Variants in STOX2 observed in about 807,000 individuals in gnomAD.
STOX2 encodes the protein storkhead-box protein 2.
STOX2 carries 28 observed loss-of-function variants against 60.9 expected under a neutral mutation model. The observed-to-expected ratio is 0.46, with a 90% CI of 0.34 to 0.63. The LOEUF (loss-of-function observed/expected upper bound fraction) is 0.63, where lower values mean the gene tolerates loss of function less well. Ranked by LOEUF, STOX2 falls within the 30% of genes least tolerant of loss-of-function variation. The probability of loss-of-function intolerance (pLI) is 0.01; values close to 1 mark genes in which losing one functional copy is unlikely to be tolerated. For synonymous variants in STOX2, 472 were observed against 463.9 expected, an observed-to-expected ratio of 1.02 and a Z score of -0.22; for missense variants, 1,024 against 1,187.7, an observed-to-expected ratio of 0.86 and a Z score of 2.03.
chr4:183,894,703 C>A (rs1270815710), intron 1 of STOX2, among the ~76,000 whole-genome samples: 1 of 152,172 alleles, frequency 6.6e-6, no homozygotes, highest in Non-Finnish European at 1.5e-5. Flanking sequence ...ATCCTTTAAA[C>A]TCCATCTGTG....
chr4:183,946,953 T>C (rs1304850363), intron 1 of STOX2, among the ~76,000 whole-genome samples: 2 of 152,114 alleles, frequency 1.3e-5, no homozygotes, highest in African/African-American at 4.8e-5. Context: ...GTATTTACGT[T>C]GTATTATGTC....
chr4:183,799,926 G>A (rs1266642936), intron 1 of STOX2, among the ~76,000 whole-genome samples: 1 of 152,140 alleles, frequency 6.6e-6, no homozygotes, highest in East Asian at 1.9e-4. Context: ...GCCAGCCTCT[G>A]TAGTACTGAG....
At chr4:183,970,170 GTGTGTGTGTGT>G (rs1743699518) in intron 1 of STOX2, among the ~76,000 whole-genome samples, 1 of 150,636 alleles carries the variant, frequency 6.6e-6, no homozygotes, top group Admixed American at 6.6e-5. Context: ...GTGTGTGTGT[GTGTGTGTGTGT>G]GGGGTTCCAG....
At chr4:183,887,951 A>T (rs541521635) in intron 1 of STOX2, among the ~76,000 whole-genome samples, 8 of 152,226 alleles carry the variant, frequency 5.3e-5, no homozygotes, top group Middle Eastern at 3.4e-3. Flanking sequence ...CAGGGTATCA[A>T]CTTTATTGCC....
In STOX2 at chr4:183,946,037, G is replaced by A. The variant is rs79168521; in HGVS notation, c.166+39081G>A. 4.1e-3 allele frequency among the ~76,000 whole-genome samples: 618 copies of A among 152,250 alleles called. 1 individual carries two copies. The highest frequency in any genetic ancestry group is 0.014 in the African/African-American group (580 of 41,548). ...TATTTTCTATGTCAATGGGCACACA[G>A]GGTAAATGATTTTGGAAAGAAAGCA... On this transcript the variant is annotated intron_variant, in intron 1 of 3. Coordinates refer to ENST00000308497, the MANE Select transcript of STOX2 (RefSeq NM_020225.3).
intron 1 of STOX2, among the ~76,000 whole-genome samples, chr4:183,956,470 CT>C (rs1368155162): frequency 3.3e-5 from 5 of 151,594 alleles, no homozygotes; most frequent in Non-Finnish European, 4.4e-5. Context: ...ATCTATCTAT[CT>C]ATCTATCTAT....
intron 1 of STOX2, among the ~76,000 whole-genome samples, chr4:183,884,826 C>T (rs1018243420): frequency 2.0e-5 from 3 of 152,078 alleles, no homozygotes; most frequent in African/African-American, 7.2e-5. Context: ...CTTAGAGAAA[C>T]GTTAGGGAGA....
intron 1 of STOX2, among the ~76,000 whole-genome samples, chr4:183,832,131 A>G (rs987062893): frequency 6.6e-6 from 1 of 151,888 alleles, no homozygotes; most frequent in African/African-American, 2.4e-5. Flanking sequence ...CTGGGATTAC[A>G]AGTGCCCGTC....
chr4:183,946,091 G>C (rs1421111529), intron 1 of STOX2, among the ~76,000 whole-genome samples: 1 of 152,158 alleles, frequency 6.6e-6, no homozygotes, highest in African/African-American at 2.4e-5. Flanking sequence ...AACAGGTCTT[G>C]TTCTAAAACA....
chr4:183,922,276 C>T (rs1259678454), intron 1 of STOX2, among the ~76,000 whole-genome samples: 1 of 151,438 alleles, frequency 6.6e-6, no homozygotes, highest in African/African-American at 2.4e-5. Flanking sequence ...CATGCTTAGT[C>T]ATGCATTTTT....
intron 1 of STOX2, among the ~76,000 whole-genome samples, chr4:183,887,905 G>A (rs186373162): frequency 1.3e-5 from 2 of 152,036 alleles, no homozygotes; most frequent in African/African-American, 2.4e-5. Context: ...CACCATGCCC[G>A]GCTAATTTTG....
In STOX2 at chr4:184,023,065, A is replaced by G. The variant is rs1287743562; in HGVS notation, c.*5781A>G. Reference sequence around the variant, plus strand: ...TGAATGTGACTATTGCATTAGGGTAAATGAATTAAGACGTGCAAGTGGGAT... The same window carrying G: ...TGAATGTGACTATTGCATTAGGGTAGATGAATTAAGACGTGCAAGTGGGAT... On this transcript the variant is annotated 3_prime_UTR_variant, in exon 4 of 4. Coordinates refer to ENST00000308497, the MANE Select transcript of STOX2 (RefSeq NM_020225.3). 1 of 152,226 alleles carries G rather than the reference A, an allele frequency of 6.6e-6. No homozygotes were observed. The highest frequency in any genetic ancestry group is 1.5e-5 in the Non-Finnish European group (1 of 68,036). The allele number at this position is 152,226 out of a possible 1,614,324, so 9.4% of individuals were successfully genotyped here.
At chr4:184,005,195 C>G in intron 2 of STOX2, among the ~76,000 whole-genome samples, 1 of 152,178 alleles carries the variant, frequency 6.6e-6, no homozygotes, top group East Asian at 1.9e-4. Flanking sequence ...TGTGGTGGCT[C>G]ACACCTATAA....
chr4:183,834,878 GT>G (rs1408769395), intron 1 of STOX2, among the ~76,000 whole-genome samples: 1 of 152,174 alleles, frequency 6.6e-6, no homozygotes, highest in Non-Finnish European at 1.5e-5. Flanking sequence ...GGTAATCTTT[GT>G]GATCCAAGGT....
At chr4:183,841,428 G>C (rs137926327) in intron 1 of STOX2, among the ~76,000 whole-genome samples, 36 of 152,048 alleles carry the variant, frequency 2.4e-4, no homozygotes, top group African/African-American at 7.5e-4. Flanking sequence ...ACCCAGGCTG[G>C]TCTTATATTC....
chr4:184,009,362 C>T lies in STOX2; in HGVS notation c.524C>T (p.Pro175Leu), dbSNP rs756466070. The change falls in exon 3 of 4, where the codon CCC becomes CTC. Residue 175 changes from proline to leucine, a missense_variant. Physicochemically the swap from Pro to Leu is moderately conservative, Grantham distance 98. This residue lies in a region of STOX2 where 922 missense variants were observed against 1,058.3 expected (regional missense o/e 0.87). Coordinates refer to ENST00000308497, the MANE Select transcript of STOX2 (RefSeq NM_020225.3). The surrounding 1 kb of genome is among the most constrained non-coding windows in gnomAD (Gnocchi z 4.0). ...PDRSQCTSPQ[P>L]GTITPSASGC... ...CGGTCTCAGTGCACCTCTCCGCAAC[C>T]CGGGACCATCACGCCCTCTGCCTCA... 1.9e-6 allele frequency: 3 copies of T among 1,613,966 alleles called. No individual in the cohort carries two copies. The South Asian group carries it at 3.3e-5, about 18-fold the overall frequency.
rs1391612167 is a variant in STOX2 at position 184,022,295 on chromosome 4, A to G, written c.*5011A>G. 6.6e-6 allele frequency: 1 copy of G among 152,168 alleles called. No homozygotes were observed. The highest frequency in any genetic ancestry group is 1.5e-5 in the Non-Finnish European group (1 of 68,034). The allele number at this position is 152,168 out of a possible 1,614,324, so 9.4% of individuals were successfully genotyped here. A position where few individuals can be genotyped will look rare whatever the true frequency, so the allele number is the denominator to read the frequency against. On this transcript the variant is annotated 3_prime_UTR_variant, in exon 4 of 4. Coordinates refer to ENST00000308497, the MANE Select transcript of STOX2 (RefSeq NM_020225.3). ...ATTTCCTTGTGTGTTTCAAACAGAC[A>G]TTGGCACCTTCCTATTGAGTTAATT...
Position 184,009,789 on chromosome 4 carries a change from C to T in STOX2, c.951C>T (p.Arg317=), listed in dbSNP as rs1208663959. 6.2e-7 allele frequency: 1 copy of T among 1,612,870 alleles called. No individual in the cohort carries two copies. Among genetic ancestry groups the T allele is most frequent in the South Asian group, 1.1e-5 (1 of 90,774 alleles). Residue 317 remains arginine, a synonymous_variant, in exon 3 of 4, where the codon CGC becomes CGT. Transcript: ENST00000308497. The surrounding 1 kb of genome is among the most constrained non-coding windows in gnomAD (Gnocchi z 4.0). The stretch of plus-strand genomic sequence containing the variant: ...AAGTAGAGATGGAAATCATTAGGCG[C>T]ATTAACCCAGACCTGACCGTGGAAA... ...PREVEMEIIR[R]INPDLTVENV...
intron 1 of STOX2, among the ~76,000 whole-genome samples, chr4:184,000,450 T>C (rs1733536981): frequency 6.6e-6 from 1 of 151,918 alleles, no homozygotes; most frequent in African/African-American, 2.4e-5. Context: ...CCAGCCATCA[T>C]CCCCACGGCC....
Sources: gnomAD v4.1 joint callset for allele counts (sites outside exome capture counted in the v4.1 genomes callset) on GRCh38, gnomAD v4.1.1 for gene constraint, gnomAD v4.1.1 regional missense constraint, Gnocchi (gnomAD v3.1) non-coding constraint, MANE v1.5 for transcripts, NCBI Gene and HGNC (gene_info 2026-07-23, HGNC 2026-07-21) for gene names.